The following GALNTL6 variants were observed in gnomAD, a reference collection of about 807,000 sequenced individuals.
GALNTL6 encodes polypeptide N-acetylgalactosaminyltransferase like 6.
GALNTL6 carries 46 observed loss-of-function variants against 73.7 expected under a neutral mutation model. The ratio of observed to expected loss-of-function variants is 0.62; its 90% CI spans 0.49 to 0.80. The LOEUF (loss-of-function observed/expected upper bound fraction) is 0.80, where lower values mean the gene tolerates loss of function less well. GALNTL6 is among the 30% of genes least tolerant of loss of function. The pLI, the probability that GALNTL6 is intolerant of heterozygous loss-of-function variation, is 0.00. For synonymous variants in GALNTL6, 259 were observed against 263.7 expected (o/e 0.98, Z 0.17); for missense variants, 604 against 755.0 (o/e 0.80, Z 2.34).
chr4:171,974,940 C>A (rs139229736), intron 2 of GALNTL6, among the ~76,000 whole-genome samples: 73 of 152,262 alleles, frequency 4.8e-4, no homozygotes, highest in African/African-American at 1.7e-3. Flanking sequence ...TAGTCTCTCA[C>A]GGCAAGGTTG....
chr4:172,937,503 G>A (rs1338625438), intron 9 of GALNTL6, among the ~76,000 whole-genome samples: 2 of 152,130 alleles, frequency 1.3e-5, no homozygotes, highest in Non-Finnish European at 2.9e-5. Flanking sequence ...GCCAGATCTG[G>A]GGAGATACCC....
intron 2 of GALNTL6, among the ~76,000 whole-genome samples, chr4:172,007,034 A>G (rs896916079): frequency 6.6e-6 from 1 of 152,172 alleles, no homozygotes; most frequent in East Asian, 1.9e-4. Context: ...ATGTGCAAAG[A>G]ACTTTATTAA....
chr4:171,958,925 TTATAA>T (rs1739135195), intron 2 of GALNTL6, among the ~76,000 whole-genome samples: 1 of 152,094 alleles, frequency 6.6e-6, no homozygotes, highest in Admixed American at 6.5e-5. Flanking sequence ...AAAAAGTATC[TTATAA>T]TAAAATATTT....
chr4:172,299,421 G>A (rs1361766481), intron 3 of GALNTL6, among the ~76,000 whole-genome samples: 1 of 152,126 alleles, frequency 6.6e-6, no homozygotes, highest in Non-Finnish European at 1.5e-5. Context: ...TTTTGAATGT[G>A]TTTGCTCTTG....
chr4:171,838,372 C>T (rs34220549), intron 2 of GALNTL6, among the ~76,000 whole-genome samples: 65,011 of 151,834 alleles, frequency 0.43, 16,856 homozygotes, highest in East Asian at 0.61. Context: ...ATCCACCCAC[C>T]TTGGCCTACC....
intron 3 of GALNTL6, among the ~76,000 whole-genome samples, chr4:172,254,809 T>C (rs774074616): frequency 1.3e-4 from 20 of 151,724 alleles, no homozygotes; most frequent in Non-Finnish European, 2.1e-4. Context: ...GGCTTAGTAA[T>C]TATTAATTAA....
At chr4:172,705,527 T>G (rs762859591) in intron 5 of GALNTL6, among the ~76,000 whole-genome samples, 2 of 152,032 alleles carry the variant, frequency 1.3e-5, no homozygotes, top group South Asian at 4.1e-4. Context: ...AATTTACATC[T>G]TTTTATATTG....
intron 2 of GALNTL6, among the ~76,000 whole-genome samples, chr4:172,227,619 A>C (rs1474744120): frequency 3.3e-5 from 5 of 152,202 alleles, no homozygotes; most frequent in Non-Finnish European, 7.3e-5. Context: ...ATTCCGTGCC[A>C]TAAAAAAATA....
At chr4:172,573,070 G>T (rs1412148349) in intron 5 of GALNTL6, among the ~76,000 whole-genome samples, 2 of 152,100 alleles carry the variant, frequency 1.3e-5, no homozygotes, top group African/African-American at 2.4e-5. Context: ...ATTACTGTAA[G>T]TGTTTACCCG....
At chr4:172,339,507 C>T (rs1390516157) in intron 4 of GALNTL6, among the ~76,000 whole-genome samples, 4 of 152,224 alleles carry the variant, frequency 2.6e-5, no homozygotes, top group East Asian at 1.9e-4. Context: ...GCACTCCAAT[C>T]GCTGGCCTGA....
At chr4:172,267,501 A>G (rs1264277173) in intron 3 of GALNTL6, among the ~76,000 whole-genome samples, 1 of 152,142 alleles carries the variant, frequency 6.6e-6, no homozygotes, top group African/African-American at 2.4e-5. Context: ...AAAAGTTTAC[A>G]TCTAATTTTT....
chr4:172,334,004 T>C (rs920128759), intron 4 of GALNTL6, among the ~76,000 whole-genome samples: 2 of 152,234 alleles, frequency 1.3e-5, no homozygotes, highest in African/African-American at 4.8e-5. Context: ...TGTAAATATG[T>C]GACCTTATTT....
chr4:172,800,266 G>A (rs879531336), intron 5 of GALNTL6, among the ~76,000 whole-genome samples: 2 of 152,108 alleles, frequency 1.3e-5, no homozygotes, highest in Non-Finnish European at 2.9e-5. Flanking sequence ...GTATTTTACT[G>A]CAATTTTTTT....
intron 2 of GALNTL6, among the ~76,000 whole-genome samples, chr4:172,221,896 A>G (rs537403224): frequency 6.6e-6 from 1 of 151,848 alleles, no homozygotes; most frequent in Non-Finnish European, 1.5e-5. Flanking sequence ...TTTACCTGGC[A>G]CTTTCGGTTC....
At chr4:172,738,708 G>A (rs761203285) in intron 5 of GALNTL6, among the ~76,000 whole-genome samples, 36 of 152,128 alleles carry the variant, frequency 2.4e-4, no homozygotes, top group Non-Finnish European at 3.4e-4. Context: ...GAGAACACGT[G>A]CCCAAGGTGG....
intron 10 of GALNTL6, among the ~76,000 whole-genome samples, chr4:172,987,236 G>A (rs1255033232): frequency 4.6e-5 from 7 of 152,046 alleles, no homozygotes; most frequent in African/African-American, 7.2e-5. Context: ...TCAGCATGGC[G>A]GGGAGGCCTC....
chr4:172,380,352 G>C, intron 5 of GALNTL6: 9 of 701,504 alleles, frequency 1.3e-5, no homozygotes, highest in South Asian at 1.2e-4. Flanking sequence ...CCCTCACAGT[G>C]GGAATCCCAG....
intron 8 of GALNTL6, among the ~76,000 whole-genome samples, chr4:172,927,701 G>A (rs1284170076): frequency 6.6e-6 from 1 of 152,146 alleles, no homozygotes; most frequent in Non-Finnish European, 1.5e-5. Context: ...TTTACCCAAT[G>A]CATGACATCT....
chr4:172,544,763 T>A (rs1328675703), intron 5 of GALNTL6, among the ~76,000 whole-genome samples: 7 of 152,290 alleles, frequency 4.6e-5, no homozygotes, highest in African/African-American at 1.7e-4. Context: ...ACCTCTACCA[T>A]ATGTACAGTA....
Sources: allele counts gnomAD v4.1 joint callset (sites outside exome capture counted in the v4.1 genomes callset), GRCh38; gene constraint gnomAD v4.1.1; transcripts MANE v1.5; gene names NCBI Gene and HGNC (gene_info 2026-07-23, HGNC 2026-07-21).